The following TBK1 variants were observed in gnomAD, a reference collection of about 807,000 sequenced individuals.
The protein encoded by TBK1 is serine/threonine-protein kinase TBK1.
Under a neutral mutation model 99.9 loss-of-function variants are expected in TBK1, and 37 were observed. That is an observed-to-expected ratio of 0.37 (90% CI 0.28 to 0.49). The LOEUF (loss-of-function observed/expected upper bound fraction) is 0.49. Ranked by LOEUF, TBK1 falls within the 20% of genes least tolerant of loss-of-function variation. TBK1 has a pLI of 0.98. For synonymous variants in TBK1, 258 were observed against 279.8 expected (o/e 0.92, Z 0.78); for missense variants, 644 against 872.5 (o/e 0.74, Z 3.30).
In TBK1 at chr12:64,501,389, A is replaced by T. The variant is rs1044387018; in HGVS notation, c.*8A>T. 1 of 1,612,832 alleles carries T rather than the reference A, an allele frequency of 6.2e-7. No individual in the cohort carries two copies. Among genetic ancestry groups the T allele is most frequent in the Admixed American group, 1.7e-5 (1 of 59,696 alleles). On this transcript the variant is annotated 3_prime_UTR_variant, in exon 21 of 21. Coordinates refer to ENST00000331710, the MANE Select transcript of TBK1 (RefSeq NM_013254.4). ...AACGTTGACTGTCTTTAGCTTTCTA[A>T]TAGAAGTTTAAGAAAAGTTTCCGTT...
chr12:64,477,945 T>C (rs2040731483), intron 6 of TBK1, among the ~76,000 whole-genome samples: 1 of 152,228 alleles, frequency 6.6e-6, no homozygotes, highest in Non-Finnish European at 1.5e-5. Context: ...TAATCCATAA[T>C]TGACCACACT....
intron 20 of TBK1, 135 bp downstream of exon 20, chr12:64,498,174 A>G (rs529431888): frequency 4.3e-6 from 3 of 691,794 alleles, no homozygotes; most frequent in Non-Finnish European, 4.8e-6. Context: ...TTTTCTCTCT[A>G]TGATTGTGTA....
intron 6 of TBK1, 149 bp from the exon 7 acceptor site, chr12:64,479,863 G>T: frequency 1.9e-6 from 1 of 517,908 alleles, no homozygotes; most frequent in Admixed American, 3.6e-5. Context: ...AAAGTATTTT[G>T]ATTGTTTTAT....
chr12:64,499,037 C>T (rs138024598), intron 20 of TBK1, among the ~76,000 whole-genome samples: 78 of 79,234 alleles, frequency 9.8e-4, no homozygotes, highest in Non-Finnish European at 1.1e-3. Context: ...TAATTTTATT[C>T]TTTTTTTTTT....
chr12:64,476,071 G>A (rs1001193435), intron 6 of TBK1, among the ~76,000 whole-genome samples: 22 of 150,584 alleles, frequency 1.5e-4, no homozygotes, highest in African/African-American at 5.1e-4. Context: ...GCGTGAGATG[G>A]TATCTCATTG....
At chr12:64,456,583 G>T (rs1046471771) in intron 2 of TBK1, among the ~76,000 whole-genome samples, 1 of 152,218 alleles carries the variant, frequency 6.6e-6, no homozygotes, top group African/African-American at 2.4e-5. Context: ...GCTCACGCCT[G>T]TAATCCCAGC....
chr12:64,453,343 C>G (rs2040448776), intron 1 of TBK1, among the ~76,000 whole-genome samples: 1 of 152,068 alleles, frequency 6.6e-6, no homozygotes, highest in Non-Finnish European at 1.5e-5. Context: ...GTACTATTTG[C>G]CATTTACAGT....
intron 8 of TBK1, among the ~76,000 whole-genome samples, chr12:64,483,651 A>G (rs1339207002): frequency 6.6e-6 from 1 of 152,148 alleles, no homozygotes. Context: ...ATTTGAACCC[A>G]TGTATCTGAT....
intron 13 of TBK1, among the ~76,000 whole-genome samples, chr12:64,492,883 A>G (rs1462437046): frequency 8.9e-5 from 13 of 146,022 alleles, no homozygotes; most frequent in Non-Finnish European, 1.5e-4. Context: ...CACCACGTCC[A>G]GCTAATTTTG....
chr12:64,491,307 T>C (rs886531936), intron 13 of TBK1, among the ~76,000 whole-genome samples: 5 of 152,046 alleles, frequency 3.3e-5, no homozygotes, highest in Non-Finnish European at 7.4e-5. Flanking sequence ...GTTGTACTAA[T>C]TAAATGAGAT....
intron 1 of TBK1, chr12:64,452,527 C>T (rs1348825839): frequency 6.6e-6 from 1 of 152,222 alleles, no homozygotes; most frequent in Admixed American, 6.5e-5. Context: ...AGGACGACTC[C>T]GTTACCGGGC....
intron 18 of TBK1, 92 bp downstream of exon 18, chr12:64,497,351 A>C: frequency 1.1e-6 from 1 of 944,376 alleles, no homozygotes; most frequent in Non-Finnish European, 1.5e-6. Context: ...ATGTGCCTAC[A>C]TTCAGTTCCA....
intron 20 of TBK1, among the ~76,000 whole-genome samples, chr12:64,499,508 C>A (rs1051429705): frequency 4.6e-5 from 7 of 152,074 alleles, no homozygotes; most frequent in Non-Finnish European, 1.0e-4. Context: ...TGATGTCAAA[C>A]ATCGTTTAAT....
chr12:64,474,564 T>C (rs530367868), intron 6 of TBK1, among the ~76,000 whole-genome samples, 174 bp downstream of exon 6: 14 of 152,212 alleles, frequency 9.2e-5, no homozygotes, highest in Non-Finnish European at 1.8e-4. Context: ...TGCATAATTT[T>C]ATGTTTAAGA....
chr12:64,469,087 C>T (rs1403152473), intron 5 of TBK1, among the ~76,000 whole-genome samples: 2 of 151,918 alleles, frequency 1.3e-5, no homozygotes, highest in South Asian at 2.1e-4. Flanking sequence ...TGAGTTGTGA[C>T]GTATGAGCTG....
In TBK1 at chr12:64,476,353, T is replaced by A. The variant is rs186643679; in HGVS notation, c.701+1963T>A. Among the ~76,000 whole-genome samples the A allele has an allele frequency of 4.6e-5, 7 of 151,814 alleles. No individual in the cohort carries two copies. The East Asian group carries it at 1.4e-3, about 30-fold the overall frequency. On this transcript the variant is annotated intron_variant, in intron 6 of 20. Transcript: ENST00000331710. Reference sequence around the variant, plus strand: ...TTTGTATTTTTTAGTAGAGACGGGGTTTCACCATGTTAGCCAGGATGGTCT... The same window carrying A: ...TTTGTATTTTTTAGTAGAGACGGGGATTCACCATGTTAGCCAGGATGGTCT...
Position 64,460,250 on chromosome 12 carries a change from A to C in TBK1, c.149A>C (p.Asp50Ala), listed in dbSNP as rs1010930015. Residue 50 changes from aspartate to alanine, a missense_variant, in exon 3 of 21, where the codon GAT becomes GCT. Coordinates refer to ENST00000331710, the MANE Select transcript of TBK1 (RefSeq NM_013254.4). ...AACATAAGCTTCCTTCGTCCAGTGG[A>C]TGTTCAAATGAGAGAATTTGAAGTG... Reference protein sequence around the residue: ...FNNISFLRPVDVQMREFEVLK... With the variant: ...FNNISFLRPVAVQMREFEVLK... 10 of 1,586,246 alleles carry C rather than the reference A, an allele frequency of 6.3e-6. No individual in the cohort carries two copies. The highest frequency in any genetic ancestry group is 7.7e-6 in the Non-Finnish European group (9 of 1,164,524).
chr12:64,497,341 A>G (rs1294167614), intron 18 of TBK1, 82 bp downstream of exon 18: 2 of 1,032,050 alleles, frequency 1.9e-6, no homozygotes, highest in Non-Finnish European at 2.8e-6. Flanking sequence ...ATGGGATAGA[A>G]TGTGCCTACA....
chr12:64,480,939 CTT>C (rs1257814754), intron 7 of TBK1, among the ~76,000 whole-genome samples: 3 of 152,030 alleles, frequency 2.0e-5, no homozygotes, highest in Non-Finnish European at 4.4e-5. Context: ...TAAAATATCA[CTT>C]ATCATTTTAT....
Sources: allele counts gnomAD v4.1 joint callset (sites outside exome capture counted in the v4.1 genomes callset), GRCh38; gene constraint gnomAD v4.1.1; transcripts MANE v1.5; gene names NCBI Gene and HGNC (gene_info 2026-07-23, HGNC 2026-07-21).